OPCML: variants seen among roughly 807,000 people sequenced by gnomAD.
The protein encoded by OPCML is opioid-binding protein/cell adhesion molecule.
OPCML carries 13 observed loss-of-function variants against 37.8 expected under a neutral mutation model. That is an observed-to-expected ratio of 0.34 (90% CI 0.22 to 0.55). OPCML has a LOEUF of 0.55. OPCML is among the 20% of genes least tolerant of loss of function. OPCML has a pLI of 0.91. For missense variants in OPCML, 341 were observed against 435.6 expected (o/e 0.78, Z 1.93); for synonymous variants, 176 against 168.8 (o/e 1.04, Z -0.33).
At chr11:132,791,212 T>A (rs534851420) in intron 2 of OPCML, among the ~76,000 whole-genome samples, 6 of 152,318 alleles carry the variant, frequency 3.9e-5, no homozygotes, top group African/African-American at 1.4e-4. Context: ...CTGTTGCAGC[T>A]GGGGAAGACT....
Position 133,168,331 on chromosome 11 carries a change from T to TG in OPCML, c.62-225322dup, listed in dbSNP as rs61110887. On this transcript the variant is annotated intron_variant, in intron 1 of 7. Coordinates refer to ENST00000524381, the MANE Select transcript of OPCML (RefSeq NM_001012393.5). ...GGTCAGAGGCAGGGAAACTGGGGCT[T>TG]GGGGGGAAGAGAGCAGGTGGGTAAA... Among the ~76,000 whole-genome samples the TG allele has an allele frequency of 3.7e-3, 560 of 152,140 alleles. 14 individuals are homozygous for TG. The East Asian group carries it at 0.048, about 13-fold the overall frequency.
chr11:133,175,400 C>T lies in OPCML; in HGVS notation c.62-232390G>A, dbSNP rs148073305. On this transcript the variant is annotated intron_variant, in intron 1 of 7. Coordinates refer to ENST00000524381, the MANE Select transcript of OPCML (RefSeq NM_001012393.5). ...AAAGCCTGACAAGTCATCTCCTCTA[C>T]TGCTTATTTATTCGTGTTATTAAAG... Among the ~76,000 whole-genome samples the T allele has an allele frequency of 2.4e-3, 367 of 151,462 alleles. 3 individuals are homozygous for T. Among genetic ancestry groups the T allele is most frequent in the African/African-American group, 8.4e-3 (348 of 41,342 alleles).
intron 2 of OPCML, among the ~76,000 whole-genome samples, chr11:132,838,615 G>A (rs1162699336): frequency 6.6e-6 from 1 of 152,122 alleles, no homozygotes; most frequent in African/African-American, 2.4e-5. Context: ...ATATATGTAT[G>A]GTATAACACA....
At chr11:132,508,158 G>A (rs775345167) in intron 4 of OPCML, among the ~76,000 whole-genome samples, 10 of 152,066 alleles carry the variant, frequency 6.6e-5, no homozygotes, top group South Asian at 2.1e-4. Context: ...TTTGGAATAC[G>A]TTGATATCAG....
At chr11:132,483,482 C>G (rs532781073) in intron 4 of OPCML, among the ~76,000 whole-genome samples, 215 of 152,154 alleles carry the variant, frequency 1.4e-3, no homozygotes, top group Middle Eastern at 0.01. Context: ...ATGAAAATGG[C>G]CATACTGCCC....
At chr11:132,996,127 C>A (rs534768348) in intron 1 of OPCML, among the ~76,000 whole-genome samples, 1 of 152,298 alleles carries the variant, frequency 6.6e-6, no homozygotes, top group East Asian at 1.9e-4. Flanking sequence ...GAGTTCTACA[C>A]AGACTTTAGC....
At chr11:133,524,239 G>A (rs930665408) in intron 1 of OPCML, among the ~76,000 whole-genome samples, 5 of 152,220 alleles carry the variant, frequency 3.3e-5, no homozygotes, top group Admixed American at 2.6e-4. Context: ...CAGCAAGACC[G>A]TGAAATAGGC....
intron 2 of OPCML, among the ~76,000 whole-genome samples, chr11:132,833,655 A>T (rs1436035347): frequency 6.6e-6 from 1 of 152,250 alleles, no homozygotes; most frequent in Non-Finnish European, 1.5e-5. Context: ...GCAGCACAGT[A>T]GATTTGTTTA....
chr11:132,691,212 G>A (rs1478460627), intron 2 of OPCML, among the ~76,000 whole-genome samples: 1 of 152,142 alleles, frequency 6.6e-6, no homozygotes, highest in African/African-American at 2.4e-5. Flanking sequence ...AAAAACATTT[G>A]ACTATGTGAA....
At chr11:133,529,186 T>A (rs1329446151) in intron 1 of OPCML, among the ~76,000 whole-genome samples, 1 of 152,222 alleles carries the variant, frequency 6.6e-6, no homozygotes, top group Non-Finnish European at 1.5e-5. Flanking sequence ...GGTTTGCAGG[T>A]AATCAGAAGG....
chr11:133,350,012 G>A (rs1006791642), intron 1 of OPCML, among the ~76,000 whole-genome samples: 4 of 152,170 alleles, frequency 2.6e-5, no homozygotes, highest in Admixed American at 6.5e-5. Context: ...ATACCATCGC[G>A]GGCTGCAGAG....
chr11:132,541,844 T>C (rs1256017438), intron 3 of OPCML, among the ~76,000 whole-genome samples: 2 of 152,156 alleles, frequency 1.3e-5, no homozygotes, highest in Non-Finnish European at 2.9e-5. Flanking sequence ...TCTCCACTCT[T>C]GCTGGCAGGG....
chr11:133,262,303 A>T (rs541008194), intron 1 of OPCML, among the ~76,000 whole-genome samples: 127 of 152,322 alleles, frequency 8.3e-4, no homozygotes, highest in African/African-American at 3.1e-3. Flanking sequence ...GGGCGAATGC[A>T]TTCAGAATGC....
intron 2 of OPCML, among the ~76,000 whole-genome samples, chr11:132,757,130 T>G (rs936257174): frequency 1.3e-5 from 2 of 152,222 alleles, no homozygotes; most frequent in Non-Finnish European, 2.9e-5. Flanking sequence ...GGACATGAAC[T>G]CATCCTTTTT....
chr11:132,968,369 C>A (rs769970881), intron 1 of OPCML, among the ~76,000 whole-genome samples: 17 of 152,274 alleles, frequency 1.1e-4, no homozygotes, highest in South Asian at 2.1e-4. Context: ...AGCCTTCTTG[C>A]TGGTGGGGCC....
At chr11:133,497,466 C>A (rs890958978) in intron 1 of OPCML, among the ~76,000 whole-genome samples, 8 of 152,082 alleles carry the variant, frequency 5.3e-5, no homozygotes, top group African/African-American at 1.7e-4. Flanking sequence ...TTTCTCTGGT[C>A]CCCCCCGATT....
chr11:132,964,363 G>T (rs10791264), intron 1 of OPCML, among the ~76,000 whole-genome samples: 50,860 of 152,036 alleles, frequency 0.33, 8,755 homozygotes, highest in Admixed American at 0.43. Context: ...TGACATTATG[G>T]TAAGAGTTTG....
At chr11:133,193,368 A>G (rs2136305607) in intron 1 of OPCML, among the ~76,000 whole-genome samples, 1 of 152,322 alleles carries the variant, frequency 6.6e-6, no homozygotes, top group South Asian at 2.1e-4. Flanking sequence ...ACTAATGAAG[A>G]GAAAATCTTA....
At chr11:132,605,321 G>T (rs374023231) in intron 3 of OPCML, among the ~76,000 whole-genome samples, 2 of 151,912 alleles carry the variant, frequency 1.3e-5, no homozygotes, top group Non-Finnish European at 2.9e-5. Context: ...ACTTTGGGAC[G>T]CCGAGGTGGG....
Sources: allele counts gnomAD v4.1 joint callset (sites outside exome capture counted in the v4.1 genomes callset), GRCh38; gene constraint gnomAD v4.1.1; transcripts MANE v1.5; gene names NCBI Gene and HGNC (gene_info 2026-07-23, HGNC 2026-07-21).